RAG2: variants seen among roughly 807,000 people sequenced by gnomAD.
The protein encoded by RAG2 is recombination activating 2.
Under a neutral mutation model 31.8 loss-of-function variants are expected in RAG2, and 16 were observed. That is an observed-to-expected ratio of 0.50 (90% confidence interval 0.34 to 0.76). The LOEUF (loss-of-function observed/expected upper bound fraction) is 0.76. RAG2 is among the 30% of genes least tolerant of loss of function. RAG2 has a pLI of 0.01. For synonymous variants in RAG2, 199 were observed against 215.9 expected (o/e 0.92, Z 0.68); for missense variants, 622 against 628.5 (o/e 0.99, Z 0.11).
chr11:36,594,297 C>G (rs537737027), intron 1 of RAG2, 102 bp from the exon 2 acceptor site: 33 of 781,768 alleles, frequency 4.2e-5, no homozygotes, highest in Non-Finnish European at 6.3e-5. Flanking sequence ...TCCTCCCACA[C>G]GCTTGCAGTG....
At position 36,592,915 on chromosome 11, in the gene RAG2, T is replaced by A; in HGVS notation, c.1254A>T (p.Thr418=). ...TATCCACATCACAAGTAGGGCAGCA[T>A]GTAATCCAGTAGCCTGTCTCAGACT... is the stretch of plus-strand genomic sequence containing the variant. ...EDESETGYWI[T]CCPTCDVDIN... The change falls in exon 2 of 2, where the codon ACA becomes ACT. Residue 418 remains threonine (T), a synonymous_variant. Coordinates refer to ENST00000311485, the MANE Select transcript of RAG2 (RefSeq NM_000536.4). 6.2e-7 allele frequency: 1 copy of A among 1,614,180 alleles called. No individual in the cohort carries two copies. The highest frequency in any genetic ancestry group is 8.5e-7 in the Non-Finnish European group (1 of 1,180,040).
rs2133312946 is a variant in RAG2 at position 36,593,238 on chromosome 11, T to C, written c.931A>G (p.Ile311Val). Residue 311 changes from isoleucine to valine, a missense_variant, in exon 2 of 2, where the codon ATT (isoleucine) becomes GTT (valine). Transcript: ENST00000311485. Reference protein sequence around the residue: ...EMETPDWTPDIKHSKIWFGSN... With the variant: ...EMETPDWTPDVKHSKIWFGSN... ...CCAAACCATATCTTGCTGTGCTTAA[T>C]GTCTGGGGTCCAATCTGGGGTCTCC... The C allele has an allele frequency of 2.5e-6, 4 of 1,614,246 alleles. No homozygotes were observed.
Position 36,593,444 on chromosome 11 carries a change from A to G in RAG2, c.725T>C (p.Leu242Pro). 6.2e-7 allele frequency: 1 copy of G among 1,614,040 alleles called. No homozygotes were observed. ...NLYRIRVDLP[L>P]GSPAVNCTVL... ...TGTGCAATTCACAGCTGGGCTACCC[A>G]GGGGAAGATCAACCCTTATTCTGTA... is the stretch of plus-strand genomic sequence containing the variant. Residue 242 changes from leucine to proline, a missense_variant, in exon 2 of 2, where the codon CTG becomes CCG. By Grantham distance (98) the Leu-to-Pro change is moderately conservative. Transcript: ENST00000311485.
At position 36,593,867 on chromosome 11, in the gene RAG2, T is replaced by C. The variant is rs1485163794; in HGVS notation, c.302A>G (p.Asn101Ser). Residue 101 changes from asparagine (N) to serine (S), a missense_variant, in exon 2 of 2, where the codon AAT becomes AGT. Coordinates refer to ENST00000311485, the MANE Select transcript of RAG2 (RefSeq NM_000536.4). ...YIIHGGKTPN[N>S]EVSDKIYVMS... ...GACATAAATCTTATCTGAAACCTCA[T>C]TGTTTGGTGTTTTCCCTCCATGGAT... 2 of 1,614,200 alleles carry C rather than the reference T, an allele frequency of 1.2e-6. No homozygotes were observed. The highest frequency in any genetic ancestry group is 1.7e-6 in the Non-Finnish European group (2 of 1,180,030).
intron 1 of RAG2, among the ~76,000 whole-genome samples, chr11:36,597,036 G>A (rs1325569840): frequency 6.6e-6 from 1 of 152,120 alleles, no homozygotes; most frequent in East Asian, 1.9e-4. Flanking sequence ...AAAAACAGTG[G>A]TAAAGTTTCT....
At position 36,593,902 on chromosome 11, in the gene RAG2, A is replaced by T. The variant is rs1349022330; in HGVS notation, c.267T>A (p.His89Gln). 6.2e-7 allele frequency: 1 copy of T among 1,614,228 alleles called. No individual in the cohort carries two copies. Among genetic ancestry groups the T allele is most frequent in the South Asian group, 1.1e-5 (1 of 91,086 alleles). ...TFKGSLESEK[H>Q]QYIIHGGKTP... ...TTTTCCCTCCATGGATGATGTATTG[A>T]TGCTTTTCAGACTCCAAGCTGCCTT... The change falls in exon 2 of 2, where the codon CAT becomes CAA. Residue 89 changes from histidine to glutamine, a missense_variant. Physicochemically the swap from His to Gln is conservative, Grantham distance 24. Transcript: ENST00000311485.
rs761137785 is a variant in RAG2 at position 36,592,585 on chromosome 11, C to T, written c.1584G>A (p.Ter528=). ...CTGAATCTGAAAGGCTTTTGCAAAACTAATCAAACAACCTTCTAAGAAAGG... is the reference window on the plus strand; with the variant it reads ...CTGAATCTGAAAGGCTTTTGCAAAATTAATCAAACAACCTTCTAAGAAAGG... The part of the protein sequence containing the change: ...KKSFLRRLFD[*] Residue 528 remains the stop codon, a stop_retained_variant, in exon 2 of 2, where the codon TAG becomes TAA. Transcript: ENST00000311485. 4 of 1,613,924 alleles carry T rather than the reference C, an allele frequency of 2.5e-6. No individual in the cohort carries two copies. Among genetic ancestry groups the T allele is most frequent in the South Asian group, 1.1e-5 (1 of 91,080 alleles).
Position 36,592,785 on chromosome 11 carries a change from C to T in RAG2, c.1384G>A (p.Ala462Thr), listed in dbSNP as rs1276596527. 4 of 1,614,076 alleles carry T rather than the reference C, an allele frequency of 2.5e-6. No individual in the cohort carries two copies. The highest frequency in any genetic ancestry group is 3.4e-6 in the Non-Finnish European group (4 of 1,180,032). ...HWVHAQCMDLAERTLIHLSAG... is the reference protein window; with the variant it reads ...HWVHAQCMDLTERTLIHLSAG... ...GACAGATGGATGAGTGTGCGTTCTG[C>T]CAGATCCATGCACTGAGCATGGACC... Residue 462 changes from alanine to threonine, a missense_variant, in exon 2 of 2, where the codon GCA (alanine) becomes ACA (threonine). By Grantham distance (58) the Ala-to-Thr change is moderately conservative. Coordinates refer to ENST00000311485, the MANE Select transcript of RAG2 (RefSeq NM_000536.4).
At chr11:36,596,201 A>T (rs1241099877) in intron 1 of RAG2, among the ~76,000 whole-genome samples, 1 of 146,412 alleles carries the variant, frequency 6.8e-6, no homozygotes. Context: ...CACTCTAATG[A>T]GATGGTAGTG....
Position 36,593,581 on chromosome 11 carries a change from A to G in RAG2, c.588T>C (p.Ile196=). The G allele has an allele frequency of 6.2e-7, 1 of 1,614,208 alleles. No homozygotes were observed. The highest frequency in any genetic ancestry group is 1.1e-5 in the South Asian group (1 of 91,084). Residue 196 remains isoleucine, a synonymous_variant, in exon 2 of 2, where the codon ATT becomes ATC. Transcript: ENST00000311485. The part of the protein sequence containing the change: ...DFEFGCATSY[I]LPELQDGLSF... Reference sequence around the variant, plus strand: ...ATAGCCCATCCTGAAGTTCTGGAAGAATGTATGATGTAGCACACCCAAATT... The same window carrying G: ...ATAGCCCATCCTGAAGTTCTGGAAGGATGTATGATGTAGCACACCCAAATT...
At position 36,592,374 on chromosome 11, in the gene RAG2, T is replaced by A; in HGVS notation, c.*211A>T. On this transcript the variant is annotated 3_prime_UTR_variant, in exon 2 of 2. Transcript: ENST00000311485. ...GAAGAATAAATTAGTAAATTGAGTATTTGGGTAAAATATTTTCAAAATGTA... is the reference window on the plus strand; with the variant it reads ...GAAGAATAAATTAGTAAATTGAGTAATTGGGTAAAATATTTTCAAAATGTA... 1.6e-6 allele frequency: 1 copy of A among 631,996 alleles called. No homozygotes were observed. Among genetic ancestry groups the A allele is most frequent in the Non-Finnish European group, 2.6e-6 (1 of 382,858 alleles). 39.1% of individuals were successfully genotyped at this position (631,996 alleles called of 1,614,324 possible).
Position 36,594,184 on chromosome 11 carries a change from G to A in RAG2, c.-16C>T, listed in dbSNP as rs577304779. 2.8e-5 allele frequency: 44 copies of A among 1,550,902 alleles called. No homozygotes were observed. Among genetic ancestry groups the A allele is most frequent in the South Asian group, 2.2e-4 (20 of 89,818 alleles). ...GCAGAGACATAGTTTCTGATGGTACGTAGATTTTTGTCTGAAAGAATTATA... is the reference window on the plus strand; with the variant it reads ...GCAGAGACATAGTTTCTGATGGTACATAGATTTTTGTCTGAAAGAATTATA... On this transcript the variant is annotated 5_prime_UTR_variant, in exon 2 of 2. The change creates a new upstream start codon in the 5' untranslated region. Transcript: ENST00000311485.
Position 36,592,984 on chromosome 11 carries a change from A to G in RAG2, c.1185T>C (p.Gly395=). The part of the protein sequence containing the change: ...CFSAEANSFD[G]DDEFDTYNED... ...CATTATAGGTGTCAAATTCATCATC[A>G]CCATCAAAACTATTTGCTTCTGCAC... Residue 395 remains glycine (G), a synonymous_variant, in exon 2 of 2, where the codon GGT becomes GGC. Transcript: ENST00000311485. 1 of 1,614,154 alleles carries G rather than the reference A, an allele frequency of 6.2e-7. No individual in the cohort carries two copies. Among genetic ancestry groups the G allele is most frequent in the Non-Finnish European group, 8.5e-7 (1 of 1,180,034 alleles).
At chr11:36,594,346 A>G in intron 1 of RAG2, 151 bp from the exon 2 acceptor site, 1 of 635,654 alleles carries the variant, frequency 1.6e-6, no homozygotes, top group Admixed American at 2.6e-5. Context: ...AGGTCAGTAA[A>G]GAGCCACAGA....
rs1480041717 is a variant in RAG2, at chr11:36,593,129, A to G, written c.1040T>C (p.Met347Thr). The G allele has an allele frequency of 5.0e-6, 8 of 1,614,054 alleles. No homozygotes were observed. The highest frequency in any genetic ancestry group is 3.3e-5 in the Admixed American group (2 of 60,010). ...AGTATCATCTTCAGCACATTTCAACATATAGAAATAGAATCCTTCTGAAAC... is the reference window on the plus strand; with the variant it reads ...AGTATCATCTTCAGCACATTTCAACGTATAGAAATAGAATCCTTCTGAAAC... Reference protein sequence around the residue: ...QVVSEGFYFYMLKCAEDDTNE... With the variant: ...QVVSEGFYFYTLKCAEDDTNE... Residue 347 changes from methionine (M) to threonine (T), a missense_variant, in exon 2 of 2, where the codon ATG (methionine) becomes ACG (threonine). Met to Thr is a moderately conservative substitution (Grantham distance 81, BLOSUM62 -1). Transcript: ENST00000311485.
Position 36,593,470 on chromosome 11 carries a change from C to T in RAG2, c.699G>A (p.Leu233=). 6.2e-7 allele frequency: 1 copy of T among 1,613,976 alleles called. No individual in the cohort carries two copies. The change falls in exon 2 of 2, where the codon CTG becomes CTA. Residue 233 remains leucine (L), a synonymous_variant. Coordinates refer to ENST00000311485, the MANE Select transcript of RAG2 (RefSeq NM_000536.4). The part of the protein sequence containing the change: ...SLANNIRPAN[L]YRIRVDLPLG... The stretch of plus-strand genomic sequence containing the variant: ...GGGGAAGATCAACCCTTATTCTGTA[C>T]AGGTTGGCAGGCCGGATATTATTGG...
In RAG2 at chr11:36,593,105, G is replaced by C; in HGVS notation, c.1064C>G (p.Thr355Ser). The C allele has an allele frequency of 6.2e-7, 1 of 1,614,044 alleles. No homozygotes were observed. Among genetic ancestry groups the C allele is most frequent in the Non-Finnish European group, 8.5e-7 (1 of 1,179,936 alleles). Reference protein sequence around the residue: ...FYMLKCAEDDTNEEQTTFTNS... With the variant: ...FYMLKCAEDDSNEEQTTFTNS... ...TGTGAATGTTGTCTGCTCTTCATTA[G>C]TATCATCTTCAGCACATTTCAACAT... The change falls in exon 2 of 2, where the codon ACT (threonine) becomes AGT (serine). Residue 355 changes from threonine to serine, a missense_variant. Physicochemically the swap from Thr to Ser is moderately conservative, Grantham distance 58. Transcript: ENST00000311485.
At chr11:36,591,798 G>A (rs1277803576), downstream of RAG2, 3 of 152,022 alleles carry the variant, frequency 2.0e-5, no homozygotes, top group Admixed American at 2.0e-4. Context: ...GTACTAAGTA[G>A]CAATGGGCTC....
chr11:36,591,226 A>C (rs1274533022), downstream of RAG2, among the ~76,000 whole-genome samples: 3 of 152,208 alleles, frequency 2.0e-5, no homozygotes, highest in African/African-American at 7.2e-5. Flanking sequence ...AGTTAATTTC[A>C]GTATCTGGGG....
Sources: allele counts gnomAD v4.1 joint callset (sites outside exome capture counted in the v4.1 genomes callset), GRCh38; gene constraint gnomAD v4.1.1; transcripts MANE v1.5; gene names NCBI Gene and HGNC (gene_info 2026-07-23, HGNC 2026-07-21).